The following ABTB2 variants were observed in gnomAD, a reference collection of about 807,000 sequenced individuals.
The protein encoded by ABTB2 is ankyrin repeat and BTB/POZ domain-containing protein 2.
ABTB2 carries 56 observed loss-of-function variants against 104.1 expected under a neutral mutation model. The observed-to-expected ratio is 0.54, with a 90% CI of 0.43 to 0.67. The LOEUF is 0.67. ABTB2 is among the 30% of genes least tolerant of loss of function. ABTB2 has a pLI of 0.00. For missense variants in ABTB2, 1,279 were observed against 1,407.7 expected, an observed-to-expected ratio of 0.91 and a Z score of 1.46; for synonymous variants, 606 against 608.2, an observed-to-expected ratio of 1.00 and a Z score of 0.05.
At chr11:34,285,596 T>C (rs903574734) in intron 1 of ABTB2, among the ~76,000 whole-genome samples, 9 of 152,196 alleles carry the variant, frequency 5.9e-5, no homozygotes, top group Non-Finnish European at 1.3e-4. Flanking sequence ...ATCCTTAAGA[T>C]AGCATGGCTG....
chr11:34,355,056 T>C (rs943813121), intron 1 of ABTB2, among the ~76,000 whole-genome samples: 12 of 152,204 alleles, frequency 7.9e-5, no homozygotes, highest in African/African-American at 2.9e-4. Flanking sequence ...AGCTCTGACC[T>C]AAGAGGAAGA....
At chr11:34,186,699 C>G (rs967917039) in intron 3 of ABTB2, among the ~76,000 whole-genome samples, 1 of 152,196 alleles carries the variant, frequency 6.6e-6, no homozygotes, top group Non-Finnish European at 1.5e-5. Flanking sequence ...GAGGCCGGGC[C>G]AGGATCCTGT....
intron 1 of ABTB2, among the ~76,000 whole-genome samples, chr11:34,312,644 C>T (rs1854871363): frequency 6.6e-6 from 1 of 152,200 alleles, no homozygotes; most frequent in Non-Finnish European, 1.5e-5. Context: ...TCTTTCATCT[C>T]TCAGCTGGTC....
intron 1 of ABTB2, among the ~76,000 whole-genome samples, chr11:34,323,833 G>A (rs1381850851): frequency 6.7e-6 from 1 of 149,478 alleles, no homozygotes; most frequent in African/African-American, 2.5e-5. Flanking sequence ...TCTTTCTTTT[G>A]AAAAGCCCTT....
chr11:34,164,434 G>A (rs1238645136), intron 9 of ABTB2, among the ~76,000 whole-genome samples: 3 of 152,300 alleles, frequency 2.0e-5, no homozygotes, highest in East Asian at 1.9e-4. Context: ...GAAATGGGAC[G>A]GTCTGCCCTG....
intron 1 of ABTB2, among the ~76,000 whole-genome samples, chr11:34,248,954 A>C (rs1483432909): frequency 1.3e-5 from 2 of 152,168 alleles, no homozygotes; most frequent in Non-Finnish European, 1.5e-5. Context: ...AAAATGGAGA[A>C]ACCCTGTTTC....
intron 1 of ABTB2, among the ~76,000 whole-genome samples, chr11:34,295,141 A>G (rs1854606319): frequency 6.6e-6 from 1 of 152,142 alleles, no homozygotes; most frequent in Non-Finnish European, 1.5e-5. Context: ...TTATGATTGC[A>G]TCACTGCACT....
intron 1 of ABTB2, among the ~76,000 whole-genome samples, chr11:34,248,126 G>T (rs978062385): frequency 6.9e-5 from 7 of 101,070 alleles, no homozygotes; most frequent in Non-Finnish European, 1.0e-4. Flanking sequence ...AAAAAAACAG[G>T]GTCTTGCCCT....
At chr11:34,165,073 T>C (rs1369494674) in intron 8 of ABTB2, among the ~76,000 whole-genome samples, 187 bp downstream of exon 8, 15 of 152,178 alleles carry the variant, frequency 9.9e-5, no homozygotes, top group Non-Finnish European at 8.8e-5. Context: ...TGCCAGATGC[T>C]GAGCCCAACA....
chr11:34,190,374 C>T (rs1477264026), intron 3 of ABTB2, among the ~76,000 whole-genome samples: 3 of 151,770 alleles, frequency 2.0e-5, no homozygotes, highest in Non-Finnish European at 4.4e-5. Flanking sequence ...AGGCAGACTT[C>T]AGAGCCTGAG....
At chr11:34,318,775 C>A (rs1564931514) in intron 1 of ABTB2, among the ~76,000 whole-genome samples, 1 of 152,090 alleles carries the variant, frequency 6.6e-6, no homozygotes, top group African/African-American at 2.4e-5. Context: ...TGGGAGGTGA[C>A]CCATAATGTG....
At chr11:34,321,332 A>T (rs1854999352) in intron 1 of ABTB2, among the ~76,000 whole-genome samples, 1 of 152,270 alleles carries the variant, frequency 6.6e-6, no homozygotes, top group Admixed American at 6.5e-5. Context: ...TATTCAATTG[A>T]AGTTCAACAG....
rs182754126 is a variant in ABTB2 at position 34,167,888 on chromosome 11, G to A, written c.1653+15C>T. On this transcript the variant is annotated intron_variant, in intron 6 of 16. Transcript: ENST00000435224. ...TGGCCTAGGGCCTGGGTGCAGCTCT[G>A]TGGGGCTTCCTCACCTGGATGTCCA... 414 of 1,613,734 alleles carry A rather than the reference G, an allele frequency of 2.6e-4. No homozygotes were observed. In the African/African-American group the frequency reaches 4.9e-3, roughly 19 times the overall value.
At chr11:34,290,427 G>A (rs1416341104) in intron 1 of ABTB2, among the ~76,000 whole-genome samples, 1 of 152,224 alleles carries the variant, frequency 6.6e-6, no homozygotes, top group African/African-American at 2.4e-5. Context: ...AACTTTAAAT[G>A]TGTGGTTCTT....
rs1853830408 is a variant in ABTB2 at position 34,235,562 on chromosome 11, A to G, written c.884-30872T>C. Reference sequence around the variant, plus strand: ...TACTGAATGAATTAGCCTCTGTTCAATAAGCCCCACAGGAAGGGGAGCGGG... The same window carrying G: ...TACTGAATGAATTAGCCTCTGTTCAGTAAGCCCCACAGGAAGGGGAGCGGG... On this transcript the variant is annotated intron_variant, in intron 1 of 16. Coordinates refer to ENST00000435224, the MANE Select transcript of ABTB2 (RefSeq NM_145804.3). 2.0e-5 allele frequency among the ~76,000 whole-genome samples: 3 copies of G among 152,196 alleles called. No homozygotes were observed. In the South Asian group the frequency reaches 6.2e-4, roughly 32 times the overall value.
intron 1 of ABTB2, among the ~76,000 whole-genome samples, chr11:34,289,575 C>T (rs1854543110): frequency 1.3e-5 from 2 of 152,186 alleles, no homozygotes; most frequent in Admixed American, 1.3e-4. Flanking sequence ...TGCCTGACTC[C>T]AGGACCGTAA....
chr11:34,336,108 A>G, intron 1 of ABTB2: 1 of 282,172 alleles, frequency 3.5e-6, no homozygotes. Context: ...CTGCCATCCA[A>G]TATTTGTTTT....
chr11:34,345,257 G>C (rs1259642799), intron 1 of ABTB2, among the ~76,000 whole-genome samples: 1 of 152,096 alleles, frequency 6.6e-6, no homozygotes, highest in Non-Finnish European at 1.5e-5. Context: ...GCTTCTCCTT[G>C]GTGGCTCCTT....
chr11:34,222,824 G>A (rs530404775), intron 1 of ABTB2, among the ~76,000 whole-genome samples: 2 of 152,306 alleles, frequency 1.3e-5, no homozygotes, highest in Admixed American at 6.5e-5. Context: ...GCTCTCGAGT[G>A]CTTTGCACAC....
Sources: allele counts gnomAD v4.1 joint callset (sites outside exome capture counted in the v4.1 genomes callset), GRCh38; gene constraint gnomAD v4.1.1; transcripts MANE v1.5; gene names NCBI Gene and HGNC (gene_info 2026-07-23, HGNC 2026-07-21).